Variants in DDHD1 observed in about 807,000 individuals in gnomAD.
The protein encoded by DDHD1 is DDHD domain containing 1, also known as phospholipase DDHD1.
A neutral mutation model predicts 96.4 loss-of-function variants in DDHD1; 49 were observed. The ratio of observed to expected loss-of-function variants is 0.51; its 90% CI spans 0.40 to 0.64. DDHD1 has a LOEUF of 0.64. DDHD1 is among the 30% of genes least tolerant of loss of function. The pLI is 0.00. For synonymous variants in DDHD1, 442 were observed against 446.5 expected (o/e 0.99, Z 0.13); for missense variants, 1,106 against 1,161.2 (o/e 0.95, Z 0.69).
chr14:53,110,819 T>C (rs1888045387), intron 1 of DDHD1, among the ~76,000 whole-genome samples: 1 of 151,978 alleles, frequency 6.6e-6, no homozygotes, highest in Non-Finnish European at 1.5e-5. Flanking sequence ...CTACTAAAAA[T>C]ATAAAATTAG....
At position 53,146,942 on chromosome 14, in the gene DDHD1, T is replaced by G. The variant is rs188575692; in HGVS notation, c.838+5319A>C. ...CATCAATGCTGACAGTTTTTTTTTT[T>G]TTTTTTTTTTGTATAACATGCACAG... On this transcript the variant is annotated intron_variant, in intron 1 of 12. Transcript: ENST00000673822. 2.0e-3 allele frequency among the ~76,000 whole-genome samples: 304 copies of G among 152,070 alleles called. 1 individual carries two copies. Among genetic ancestry groups the G allele is most frequent in the African/African-American group, 6.9e-3 (286 of 41,526 alleles).
chr14:53,071,887 G>A (rs770373660), intron 6 of DDHD1, among the ~76,000 whole-genome samples: 4 of 152,114 alleles, frequency 2.6e-5, no homozygotes, highest in Non-Finnish European at 4.4e-5. Context: ...AAGCTGTGAA[G>A]CTGTATTGCC....
chr14:53,074,610 T>G (rs10149906), intron 4 of DDHD1, among the ~76,000 whole-genome samples: 4,701 of 151,964 alleles, frequency 0.031, 239 homozygotes, highest in African/African-American at 0.1. Flanking sequence ...TTTTAAATTA[T>G]TTTATAATAT....
intron 6 of DDHD1, among the ~76,000 whole-genome samples, chr14:53,068,385 A>T (rs2139895243): frequency 6.6e-6 from 1 of 151,628 alleles, no homozygotes; most frequent in Non-Finnish European, 1.5e-5. Context: ...AGCTAGGACT[A>T]CAGCCCAAAC....
chr14:53,102,619 T>C (rs1595178401), intron 2 of DDHD1, among the ~76,000 whole-genome samples: 3 of 151,486 alleles, frequency 2.0e-5, no homozygotes, highest in African/African-American at 7.3e-5. Flanking sequence ...AACTACACAG[T>C]TTCCTTGCTT....
At chr14:53,071,077 T>A (rs763779928) in intron 6 of DDHD1, among the ~76,000 whole-genome samples, 3 of 152,174 alleles carry the variant, frequency 2.0e-5, no homozygotes, top group Non-Finnish European at 4.4e-5. Flanking sequence ...ATGTGCCACA[T>A]GTTAATATAA....
intron 4 of DDHD1, among the ~76,000 whole-genome samples, chr14:53,085,661 A>C (rs1006212576): frequency 1.3e-5 from 2 of 152,178 alleles, no homozygotes; most frequent in Admixed American, 6.5e-5. Flanking sequence ...TCATCAAAGA[A>C]CAAAGGTAGA....
At chr14:53,105,914 G>A (rs1169831602) in intron 1 of DDHD1, among the ~76,000 whole-genome samples, 2 of 151,672 alleles carry the variant, frequency 1.3e-5, no homozygotes. Flanking sequence ...TGGTAGTTAG[G>A]AAAATTTTAA....
In DDHD1 at chr14:53,152,372, C is replaced by T. The variant is rs2139933904; in HGVS notation, c.727G>A (p.Gly243Arg). 1 of 1,613,878 alleles carries T rather than the reference C, an allele frequency of 6.2e-7. No individual in the cohort carries two copies. The highest frequency in any genetic ancestry group is 1.3e-5 in the African/African-American group (1 of 75,056). Residue 243 changes from glycine to arginine, a missense_variant, in exon 1 of 13, where the codon GGG (glycine) becomes AGG (arginine). Transcript: ENST00000673822. ...RACGFCQSTT[G>R]HEPEMVELVN... ...AGCTCCACCATCTCCGGCTCGTGCC[C>T]CGTCGTACTCTGGCAGAAGCCGCAG...
At chr14:53,052,452 G>GT (rs1882679375) in intron 11 of DDHD1, 1 of 152,174 alleles carries the variant, frequency 6.6e-6, no homozygotes, top group Admixed American at 6.5e-5. Flanking sequence ...GGCAATTAAT[G>GT]TAAGTAGAAG....
intron 1 of DDHD1, among the ~76,000 whole-genome samples, chr14:53,114,867 A>AGAAT (rs1383303221): frequency 2.0e-5 from 3 of 152,232 alleles, no homozygotes; most frequent in Admixed American, 6.5e-5. Context: ...AACTGGATGG[A>AGAAT]GAATGAGATT....
At chr14:53,128,291 G>C (rs1164382477) in intron 1 of DDHD1, among the ~76,000 whole-genome samples, 1 of 152,174 alleles carries the variant, frequency 6.6e-6, no homozygotes, top group Admixed American at 6.5e-5. Context: ...GTCCATCTAG[G>C]CTGCTGTAAT....
chr14:53,119,979 AG>A (rs1888858310), intron 1 of DDHD1, among the ~76,000 whole-genome samples: 1 of 152,204 alleles, frequency 6.6e-6, no homozygotes, highest in Non-Finnish European at 1.5e-5. Flanking sequence ...AAAGAAATAA[AG>A]GGTATTCAAA....
intron 2 of DDHD1, chr14:53,096,105 C>T (rs1357358592): frequency 1.4e-5 from 14 of 975,140 alleles, no homozygotes; most frequent in African/African-American, 1.8e-5. Flanking sequence ...AATAAAACTA[C>T]AATTACTGTA....
At chr14:53,120,886 T>A (rs975508597) in intron 1 of DDHD1, among the ~76,000 whole-genome samples, 1 of 152,104 alleles carries the variant, frequency 6.6e-6, no homozygotes. Flanking sequence ...GACATAGGCA[T>A]GGACAAAGAC....
intron 1 of DDHD1, among the ~76,000 whole-genome samples, chr14:53,134,151 A>G (rs1390431480): frequency 2.0e-5 from 3 of 152,116 alleles, no homozygotes; most frequent in African/African-American, 7.2e-5. Flanking sequence ...CACTCCCACT[A>G]CTTGGACTGT....
chr14:53,129,968 G>A (rs534865759), intron 1 of DDHD1, among the ~76,000 whole-genome samples: 6 of 152,286 alleles, frequency 3.9e-5, no homozygotes, highest in East Asian at 3.9e-4. Context: ...CCTAGTCTCT[G>A]CTCGCAATGC....
intron 1 of DDHD1, among the ~76,000 whole-genome samples, chr14:53,147,220 T>G (rs1891058227): frequency 6.6e-6 from 1 of 152,140 alleles, no homozygotes; most frequent in Non-Finnish European, 1.5e-5. Flanking sequence ...AAGGATCAAC[T>G]GTAGGTTCCA....
chr14:53,127,910 C>T (rs1288586202), intron 1 of DDHD1, among the ~76,000 whole-genome samples: 3 of 152,126 alleles, frequency 2.0e-5, no homozygotes, highest in African/African-American at 7.2e-5. Context: ...GGCCATGTCC[C>T]CACCCAAAAT....
Sources: allele counts gnomAD v4.1 joint callset (sites outside exome capture counted in the v4.1 genomes callset), GRCh38; gene constraint gnomAD v4.1.1; transcripts MANE v1.5; gene names NCBI Gene and HGNC (gene_info 2026-07-23, HGNC 2026-07-21).